Variants in SLC6A4 observed in about 807,000 individuals in gnomAD.
SLC6A4 encodes the protein solute carrier family 6 member 4.
In SLC6A4, 22 loss-of-function variants were observed where a neutral mutation model predicts 73.4. The observed-to-expected ratio is 0.30, with a 90% CI of 0.21 to 0.43. The LOEUF (loss-of-function observed/expected upper bound fraction) is 0.43, where lower values mean the gene tolerates loss of function less well. SLC6A4 is among the 20% of genes least tolerant of loss of function. The pLI is 1.00. For synonymous variants in SLC6A4, 270 were observed against 315.5 expected (o/e 0.86, Z 1.53); for missense variants, 593 against 808.5 (o/e 0.73, Z 3.23).
intron 1 of SLC6A4, among the ~76,000 whole-genome samples, chr17:30,230,314 A>T (rs1907074910): frequency 6.6e-6 from 1 of 152,182 alleles, no homozygotes; most frequent in Admixed American, 6.5e-5. Flanking sequence ...CTCAAAACAG[A>T]TGATGTGTTA....
intron 14 of SLC6A4, 67 bp from the exon 15 acceptor site, chr17:30,198,597 C>A: frequency 1.2e-6 from 1 of 860,704 alleles, no homozygotes; most frequent in Admixed American, 2.0e-5. Context: ...AAATAGTCAA[C>A]ATTAATATTA....
chr17:30,216,487 A>G (rs1315411798), intron 6 of SLC6A4, among the ~76,000 whole-genome samples: 1 of 152,118 alleles, frequency 6.6e-6, no homozygotes, highest in Non-Finnish European at 1.5e-5. Context: ...GGGAGTATCT[A>G]GCAGGAAACA....
chr17:30,201,353 C>G (rs528649884), intron 14 of SLC6A4, among the ~76,000 whole-genome samples: 1 of 152,262 alleles, frequency 6.6e-6, no homozygotes, highest in Non-Finnish European at 1.5e-5. Context: ...CATCTGGTGG[C>G]CCCTCGTGAA....
intron 8 of SLC6A4, 23 bp downstream of exon 8, chr17:30,215,588 G>A (rs200738676): frequency 2.5e-6 from 4 of 1,589,252 alleles, no homozygotes; most frequent in African/African-American, 1.3e-5. Context: ...TTCAAGCTTT[G>A]CTTGGGGACC....
In SLC6A4 at chr17:30,207,797, G is replaced by C; in HGVS notation, c.1585C>G (p.Leu529Val). 1 of 1,614,110 alleles carries C rather than the reference G, an allele frequency of 6.2e-7. No homozygotes were observed. The highest frequency in any genetic ancestry group is 1.3e-5 in the African/African-American group (1 of 75,034). ...CAGAACCACCCCGGGCTGAAGCCGAGCATTTCCTTCACGTCCCTGCAGAAC... is the reference window on the plus strand; with the variant it reads ...CAGAACCACCCCGGGCTGAAGCCGACCATTTCCTTCACGTCCCTGCAGAAC... ...TQFCRDVKEM[L>V]GFSPGWFWRI... The change falls in exon 13 of 15, where the codon CTC (leucine) becomes GTC (valine). Residue 529 changes from leucine (L) to valine (V), a missense_variant. By Grantham distance (32) the Leu-to-Val change is conservative (BLOSUM62 1). Transcript: ENST00000650711.
At chr17:30,217,752 A>G (rs1906623790) in intron 5 of SLC6A4, among the ~76,000 whole-genome samples, 1 of 152,182 alleles carries the variant, frequency 6.6e-6, no homozygotes, top group Non-Finnish European at 1.5e-5. Context: ...AAGTTGACAC[A>G]TTAAACCATT....
Position 30,216,062 on chromosome 17 carries a change from T to C in SLC6A4, c.972+20A>G. 2 of 1,608,000 alleles carry C rather than the reference T, an allele frequency of 1.2e-6. No individual in the cohort carries two copies. The highest frequency in any genetic ancestry group is 1.7e-6 in the Non-Finnish European group (2 of 1,175,854). ...TAGTAAAATGACAGACAGGTACACA[T>C]ATTTCCCTCATCATCTTACCCCTGT... On this transcript the variant is annotated intron_variant, in intron 7 of 14. Transcript: ENST00000650711.
intron 13 of SLC6A4, 121 bp from the exon 14 acceptor site, chr17:30,203,460 G>C: frequency 1.2e-6 from 1 of 834,248 alleles, no homozygotes; most frequent in South Asian, 1.7e-5. Flanking sequence ...TTCCCAAGAT[G>C]TGATATATCC....
intron 13 of SLC6A4, 118 bp from the exon 14 acceptor site, chr17:30,203,457 G>C (rs1483262792): frequency 7.0e-6 from 6 of 855,534 alleles, no homozygotes; most frequent in African/African-American, 1.7e-5. Context: ...AAATTCCCAA[G>C]ATGTGATATA....
At chr17:30,210,430 T>G in intron 11 of SLC6A4, 85 bp downstream of exon 11, 16 of 1,437,208 alleles carry the variant, frequency 1.1e-5, no homozygotes, top group South Asian at 1.3e-5. Flanking sequence ...GGGCACTGTG[T>G]GAGATGGAAG....
At chr17:30,214,995 C>T (rs1358241465) in intron 8 of SLC6A4, among the ~76,000 whole-genome samples, 70 of 105,696 alleles carry the variant, frequency 6.6e-4, no homozygotes, top group African/African-American at 2.4e-3. Context: ...TTCTTTCCTT[C>T]CTTCCTTTCT....
chr17:30,217,045 C>T, intron 6 of SLC6A4, 121 bp downstream of exon 6: 2 of 835,088 alleles, frequency 2.4e-6, no homozygotes, highest in Non-Finnish European at 1.9e-6. Context: ...AGAGAGGGTG[C>T]ATCATGGAAT....
In SLC6A4 at chr17:30,210,569, G is replaced by A. The variant is rs41274280; in HGVS notation, c.1395C>T (p.Phe465=). Residue 465 remains phenylalanine, a synonymous_variant, in exon 11 of 15, where the codon TTC becomes TTT. Coordinates refer to ENST00000650711, the MANE Select transcript of SLC6A4 (RefSeq NM_001045.6). The part of the protein sequence containing the change: ...PHVWAKRRER[F]VLAVVITCFF... ...AGCAGGTGATGACCACGGCGAGCAC[G>A]AACCGCTCCCGGCGCTTGGCCCAGA... The A allele has an allele frequency of 8.9e-4, 1,441 of 1,613,868 alleles. 4 individuals are homozygous for A. The highest frequency in any genetic ancestry group is 8.4e-3 in the Middle Eastern group (51 of 6,060).
chr17:30,208,349 T>C (rs1158587583), intron 12 of SLC6A4, among the ~76,000 whole-genome samples: 2 of 152,180 alleles, frequency 1.3e-5, no homozygotes, highest in African/African-American at 2.4e-5. Context: ...AACCACAATA[T>C]TGCCCATTCA....
chr17:30,199,672 T>A (rs1905970257), intron 14 of SLC6A4, among the ~76,000 whole-genome samples: 1 of 152,186 alleles, frequency 6.6e-6, no homozygotes, highest in African/African-American at 2.4e-5. Context: ...AGTATCTGTG[T>A]ACTGAACTTT....
intron 3 of SLC6A4, among the ~76,000 whole-genome samples, chr17:30,220,971 CTT>C (rs776589435): frequency 2.4e-4 from 27 of 113,608 alleles, no homozygotes; most frequent in Admixed American, 1.6e-3. Context: ...GGAGATTTGA[CTT>C]TTTTTTTTTT....
intron 1 of SLC6A4, among the ~76,000 whole-genome samples, chr17:30,223,512 T>C (rs1189876380): frequency 6.6e-6 from 1 of 152,212 alleles, no homozygotes; most frequent in East Asian, 1.9e-4. Flanking sequence ...GCTATAAACA[T>C]GAGCAAGGAT....
chr17:30,229,457 T>C (rs1421739231), intron 1 of SLC6A4, among the ~76,000 whole-genome samples: 1 of 152,154 alleles, frequency 6.6e-6, no homozygotes, highest in African/African-American at 2.4e-5. Context: ...TTAACCTTCT[T>C]TTTGGTTCTT....
chr17:30,222,908 C>A lies in SLC6A4; in HGVS notation c.-213G>T. On this transcript the variant is annotated 5_prime_UTR_variant, in exon 2 of 15. Transcript: ENST00000650711. Reference sequence around the variant, plus strand: ...AGGGCAAGCAAGGTCGCCTTGCCTCCAGGAGACCTAGGGAGAAGAGTGTGC... The same window carrying A: ...AGGGCAAGCAAGGTCGCCTTGCCTCAAGGAGACCTAGGGAGAAGAGTGTGC... 1.7e-6 allele frequency: 2 copies of A among 1,143,454 alleles called. No homozygotes were observed. The highest frequency in any genetic ancestry group is 2.4e-6 in the Non-Finnish European group (2 of 843,374). The allele number at this position is 1,143,454 out of a possible 1,614,324, so 70.8% of individuals were successfully genotyped here.
Sources: allele counts gnomAD v4.1 joint callset (sites outside exome capture counted in the v4.1 genomes callset), GRCh38; gene constraint gnomAD v4.1.1; transcripts MANE v1.5; gene names NCBI Gene and HGNC (gene_info 2026-07-23, HGNC 2026-07-21).